The following FAM185A variants were observed in gnomAD, a reference collection of about 807,000 sequenced individuals.
FAM185A encodes the protein family with sequence similarity 185 member A.
FAM185A carries 21 observed loss-of-function variants against 45.7 expected under a neutral mutation model. The ratio of observed to expected loss-of-function variants is 0.46; its 90% CI spans 0.33 to 0.66. The LOEUF (loss-of-function observed/expected upper bound fraction) is 0.66, where lower values mean the gene tolerates loss of function less well. Among genes scored for constraint, FAM185A ranks in the 30% least tolerant of loss-of-function variants. The pLI is 0.03. For synonymous variants in FAM185A, 117 were observed against 194.0 expected (o/e 0.60, Z 3.30); for missense variants, 305 against 485.4 (o/e 0.63, Z 3.49).
the FAM185A span, among the ~76,000 whole-genome samples, chr7:102,819,618 A>G: frequency 6.6e-6 from 1 of 152,166 alleles, no homozygotes; most frequent in Non-Finnish European, 1.5e-5. Flanking sequence ...CATTGTTTTC[A>G]TGTTCAAAAT....
chr7:102,757,342 T>C (rs1401345018), intron 2 of FAM185A, among the ~76,000 whole-genome samples: 1 of 152,222 alleles, frequency 6.6e-6, no homozygotes, highest in African/African-American at 2.4e-5. Flanking sequence ...GATAAAGTGA[T>C]TTACCTTTCT....
chr7:102,817,086 T>C, the FAM185A span, among the ~76,000 whole-genome samples: 1 of 152,212 alleles, frequency 6.6e-6, no homozygotes, highest in Admixed American at 6.5e-5. Flanking sequence ...CAGGTGTCTT[T>C]TTGATAGAAT....
chr7:102,802,729 C>T (rs947898402), intron 7 of FAM185A, among the ~76,000 whole-genome samples: 2 of 151,398 alleles, frequency 1.3e-5, no homozygotes, highest in African/African-American at 4.9e-5. Context: ...TTGAAACAAA[C>T]AAACAAAAAA....
At chr7:102,847,918 T>C in the FAM185A span, among the ~76,000 whole-genome samples, 1 of 152,216 alleles carries the variant, frequency 6.6e-6, no homozygotes, top group East Asian at 1.9e-4. Context: ...CATCTCTCTA[T>C]ACACAATTTG....
intron 1 of FAM185A, among the ~76,000 whole-genome samples, chr7:102,750,597 C>T (rs572837772): frequency 2.6e-4 from 40 of 151,926 alleles, no homozygotes; most frequent in Admixed American, 5.2e-4. Flanking sequence ...CTTACTATGC[C>T]TAGTTTATAA....
chr7:102,804,136 C>T (rs909870498), intron 7 of FAM185A, among the ~76,000 whole-genome samples: 1 of 152,046 alleles, frequency 6.6e-6, no homozygotes, highest in Non-Finnish European at 1.5e-5. Flanking sequence ...TCAACACAAT[C>T]CCCATCAAAA....
At chr7:102,760,713 T>G (rs545172542) in intron 3 of FAM185A, among the ~76,000 whole-genome samples, 4 of 152,174 alleles carry the variant, frequency 2.6e-5, no homozygotes, top group Admixed American at 2.6e-4. Context: ...TATTCACTGT[T>G]GAATTGCGGG....
At chr7:102,784,570 C>G (rs1795648444) in intron 6 of FAM185A, among the ~76,000 whole-genome samples, 1 of 151,932 alleles carries the variant, frequency 6.6e-6, no homozygotes, top group South Asian at 2.1e-4. Context: ...TAAACAGAAC[C>G]AACGACAAAA....
At chr7:102,824,372 T>C in the FAM185A span, among the ~76,000 whole-genome samples, 1 of 152,220 alleles carries the variant, frequency 6.6e-6, no homozygotes, top group South Asian at 2.1e-4. Flanking sequence ...GGAAAGCAAT[T>C]ACACATTTAT....
intron 7 of FAM185A, among the ~76,000 whole-genome samples, chr7:102,794,582 A>G (rs1584351105): frequency 1.3e-5 from 2 of 152,208 alleles, no homozygotes; most frequent in Admixed American, 6.5e-5. Context: ...CAGCTACTCT[A>G]TAACTCAGTC....
intron 3 of FAM185A, among the ~76,000 whole-genome samples, chr7:102,760,531 CA>C (rs1794048653): frequency 6.6e-6 from 1 of 151,298 alleles, no homozygotes; most frequent in Admixed American, 6.6e-5. Flanking sequence ...ATTTAAATAG[CA>C]AAAGCAATCA....
downstream of FAM185A, among the ~76,000 whole-genome samples, chr7:102,812,866 G>A (rs1490399206): frequency 7.2e-6 from 1 of 138,826 alleles, no homozygotes; most frequent in Non-Finnish European, 1.5e-5. Context: ...TTTTTGAGAC[G>A]GAGTCTTGCT....
At chr7:102,751,167 C>T (rs182190816) in intron 1 of FAM185A, among the ~76,000 whole-genome samples, 28 of 152,278 alleles carry the variant, frequency 1.8e-4, no homozygotes, top group African/African-American at 6.5e-4. Context: ...CCTCCTTCCT[C>T]GGCCTCCCAA....
chr7:102,826,753 A>ATATATATATATG, the FAM185A span, among the ~76,000 whole-genome samples: 51 of 112,248 alleles, frequency 4.5e-4, no homozygotes, highest in South Asian at 1.6e-3. Flanking sequence ...ATATATATAT[A>ATATATATATATG]TATATATATA....
chr7:102,793,732 T>TC (rs1392173052), intron 7 of FAM185A, among the ~76,000 whole-genome samples: 1 of 151,730 alleles, frequency 6.6e-6, no homozygotes, highest in Non-Finnish European at 1.5e-5. Context: ...TGTTTTTAAA[T>TC]AACCCTTTAA....
chr7:102,767,699 CCTGA>C (rs1188277940), intron 4 of FAM185A, among the ~76,000 whole-genome samples: 3 of 152,042 alleles, frequency 2.0e-5, no homozygotes, highest in Admixed American at 6.6e-5. Context: ...TGTCTCTAGC[CCTGA>C]CTAATTTATA....
At chr7:102,769,100 A>T (rs1018173280) in intron 4 of FAM185A, among the ~76,000 whole-genome samples, 1 of 152,130 alleles carries the variant, frequency 6.6e-6, no homozygotes, top group African/African-American at 2.4e-5. Flanking sequence ...TTTTGATATG[A>T]GTTGAAAATA....
intron 4 of FAM185A, among the ~76,000 whole-genome samples, chr7:102,761,612 G>T (rs1415171591): frequency 6.6e-6 from 1 of 150,630 alleles, no homozygotes; most frequent in East Asian, 1.9e-4. Context: ...AGAGATTAAA[G>T]ATTATGCTGT....
the FAM185A span, among the ~76,000 whole-genome samples, chr7:102,826,821 TATATAA>T: frequency 7.1e-6 from 1 of 140,974 alleles, no homozygotes. Context: ...ATGTATCTTA[TATATAA>T]TAAATATATC....
Sources: allele counts gnomAD v4.1 joint callset (sites outside exome capture counted in the v4.1 genomes callset), GRCh38; gene constraint gnomAD v4.1.1; transcripts MANE v1.5; gene names NCBI Gene and HGNC (gene_info 2026-07-23, HGNC 2026-07-21).